The following MILR1 variants were observed in gnomAD, a reference collection of about 807,000 sequenced individuals.
MILR1 encodes the protein mast cell immunoglobulin like receptor 1, also known as allergin-1.
A neutral mutation model predicts 18.5 loss-of-function variants in MILR1; 31 were observed. The ratio of observed to expected loss-of-function variants is 1.68; its 90% CI spans 1.26 to 2.26. The LOEUF (loss-of-function observed/expected upper bound fraction) is 2.26. MILR1 is among the 30% of genes most tolerant of loss of function. MILR1 has a pLI of 0.00. For synonymous variants in MILR1, 85 were observed against 56.2 expected (o/e 1.51, Z -2.30); for missense variants, 257 against 157.4 (o/e 1.63, Z -3.38).
At chr17:64,489,809 T>C in the MILR1 span, among the ~76,000 whole-genome samples, 2 of 152,026 alleles carry the variant, frequency 1.3e-5, no homozygotes, top group African/African-American at 2.4e-5. Context: ...TAGTAACTGA[T>C]CTGGGCAAGA....
the MILR1 span, chr17:64,496,718 T>C: frequency 1.2e-6 from 2 of 1,614,128 alleles, no homozygotes; most frequent in Non-Finnish European, 1.7e-6. Flanking sequence ...GCTAAGCTGC[T>C]GCTTGCTTCC....
At chr17:64,453,889 G>C (rs960975430) in intron 3 of MILR1, among the ~76,000 whole-genome samples, 42 of 151,964 alleles carry the variant, frequency 2.8e-4, no homozygotes, top group African/African-American at 9.9e-4. Flanking sequence ...TATCCAGTAC[G>C]GTACTGTTTA....
chr17:64,455,095 T>C (rs959211279), intron 3 of MILR1, among the ~76,000 whole-genome samples: 1 of 152,112 alleles, frequency 6.6e-6, no homozygotes, highest in Admixed American at 6.6e-5. Context: ...CCTGCAAACA[T>C]GGTACTGGAA....
At chr17:64,466,124 A>C (rs1373012073) in intron 6 of MILR1, among the ~76,000 whole-genome samples, 1 of 152,196 alleles carries the variant, frequency 6.6e-6, no homozygotes, top group African/African-American at 2.4e-5. Context: ...GAAGAATGAG[A>C]GCCAAGGGAA....
the MILR1 span, chr17:64,492,859 T>C: frequency 6.2e-7 from 1 of 1,612,782 alleles, no homozygotes; most frequent in Non-Finnish European, 8.5e-7. Context: ...TTTGACTATT[T>C]AAATACAAGG....
At chr17:64,468,976 A>G (rs957959929), downstream of MILR1, among the ~76,000 whole-genome samples, 1 of 151,928 alleles carries the variant, frequency 6.6e-6, no homozygotes, top group Non-Finnish European at 1.5e-5. Context: ...AATTCCATCT[A>G]CTTAGGAGGC....
At position 64,467,577 on chromosome 17, in the gene MILR1, C is replaced by A; in HGVS notation, c.992C>A (p.Ser331Tyr). The A allele has an allele frequency of 6.5e-7, 1 of 1,541,980 alleles. No individual in the cohort carries two copies. Among genetic ancestry groups the A allele is most frequent in the Non-Finnish European group, 8.9e-7 (1 of 1,129,154 alleles). The change falls in exon 9 of 10, where the codon TCT (serine) becomes TAT (tyrosine). Residue 331 changes from serine (S) to tyrosine (Y), a missense_variant. By Grantham distance (144) the Ser-to-Tyr change is moderately radical. Coordinates refer to ENST00000619286, the MANE Select transcript of MILR1 (RefSeq NM_001085423.2). ...VAPREQEACD[S>Y]YKSGYVYSEL... ...TTTTATATTTCAGAAGCCTGTGATT[C>A]TTATAAATCTGGATATGTCTATTCT...
the MILR1 span, among the ~76,000 whole-genome samples, chr17:64,494,291 ATGTG>A: frequency 8.5e-5 from 13 of 152,302 alleles, no homozygotes; most frequent in Non-Finnish European, 1.5e-4. Flanking sequence ...TACATAGTAG[ATGTG>A]TGTATCTTAT....
chr17:64,496,418 T>A, the MILR1 span: 3 of 1,575,604 alleles, frequency 1.9e-6, no homozygotes. Flanking sequence ...GTGAAGAAGG[T>A]TCTCCCGTAG....
chr17:64,466,144 C>CA (rs1224107214), intron 6 of MILR1, among the ~76,000 whole-genome samples: 2 of 152,120 alleles, frequency 1.3e-5, no homozygotes, highest in Non-Finnish European at 2.9e-5. Flanking sequence ...AGGGGGAAAC[C>CA]CCTTATAAAA....
At position 64,467,634 on chromosome 17, in the gene MILR1, C is replaced by A; in HGVS notation, c.*17C>A. ...AACTTCTGAAATTTACAGAAACAAA[C>A]TACATCTCAGGGTAAGATGCTTTTT... On this transcript the variant is annotated 3_prime_UTR_variant, in exon 9 of 10. Coordinates refer to ENST00000619286, the MANE Select transcript of MILR1 (RefSeq NM_001085423.2). The A allele has an allele frequency of 6.4e-7, 1 of 1,550,892 alleles. No individual in the cohort carries two copies. The highest frequency in any genetic ancestry group is 8.8e-7 in the Non-Finnish European group (1 of 1,137,692).
chr17:64,464,369 C>T (rs2037501899), intron 5 of MILR1, among the ~76,000 whole-genome samples: 1 of 151,668 alleles, frequency 6.6e-6, no homozygotes, highest in Non-Finnish European at 1.5e-5. Flanking sequence ...CTCAGCCTCC[C>T]AAAGTGCTGG....
At position 64,450,605 on chromosome 17, in the gene MILR1, G is replaced by A. The variant is rs1020109929; in HGVS notation, c.97+1250G>A. 6.4e-3 allele frequency among the ~76,000 whole-genome samples: 975 copies of A among 151,822 alleles called. 7 individuals carry two copies. The highest frequency in any genetic ancestry group is 0.022 in the African/African-American group (920 of 41,380). On this transcript the variant is annotated intron_variant, in intron 2 of 9. Coordinates refer to ENST00000619286, the MANE Select transcript of MILR1 (RefSeq NM_001085423.2). ...AGGGATCCTCCTGCCTCAGCCTCCC[G>A]AGTAGCTGGGATTACAGGCACGTGC...
chr17:64,474,598 C>G, the MILR1 span, among the ~76,000 whole-genome samples: 2 of 151,976 alleles, frequency 1.3e-5, no homozygotes, highest in East Asian at 3.9e-4. Flanking sequence ...TGGTCTCGAA[C>G]TCCAGGACTC....
intron 2 of MILR1, among the ~76,000 whole-genome samples, chr17:64,451,683 C>A (rs925316745): frequency 6.6e-6 from 1 of 151,920 alleles, no homozygotes; most frequent in Non-Finnish European, 1.5e-5. Context: ...CCTGTAATCC[C>A]GGCACTTTGG....
At chr17:64,496,360 C>T in the MILR1 span, 1 of 1,291,700 alleles carries the variant, frequency 7.7e-7, no homozygotes, top group Admixed American at 2.0e-5. Context: ...GACTGCCTCG[C>T]CTTTCCACCC....
chr17:64,470,893 A>G (rs2037678388), downstream of MILR1, among the ~76,000 whole-genome samples: 1 of 152,102 alleles, frequency 6.6e-6, no homozygotes, highest in Admixed American at 6.6e-5. Flanking sequence ...ATTGCCCCAA[A>G]CCTTTCAAGT....
chr17:64,467,050 T>C (rs868987610), intron 8 of MILR1, among the ~76,000 whole-genome samples: 35 of 133,022 alleles, frequency 2.6e-4, no homozygotes, highest in African/African-American at 3.7e-4. Context: ...TTCTTTCTTC[T>C]TTCTTTCTTT....
downstream of MILR1, among the ~76,000 whole-genome samples, chr17:64,470,472 T>C (rs1475393455): frequency 2.0e-5 from 3 of 152,212 alleles, no homozygotes; most frequent in Non-Finnish European, 4.4e-5. Flanking sequence ...ATGTTATGTA[T>C]AACTTACCAC....
Sources: gnomAD v4.1 joint callset for allele counts (sites outside exome capture counted in the v4.1 genomes callset) on GRCh38, gnomAD v4.1.1 for gene constraint, MANE v1.5 for transcripts, NCBI Gene and HGNC (gene_info 2026-07-23, HGNC 2026-07-21) for gene names.